Variants in SLC24A2 observed in about 807,000 individuals in gnomAD.
SLC24A2 encodes solute carrier family 24 member 2.
In SLC24A2, 36 loss-of-function variants were observed where a neutral mutation model predicts 62.0. That is an observed-to-expected ratio of 0.58 (90% confidence interval 0.44 to 0.77). The LOEUF is 0.77. SLC24A2 is among the 30% of genes least tolerant of loss of function. SLC24A2 has a pLI of 0.00. For missense variants in SLC24A2, 846 were observed against 817.9 expected, an observed-to-expected ratio of 1.03 and a Z score of -0.42; for synonymous variants, 358 against 294.0, an observed-to-expected ratio of 1.22 and a Z score of -2.23.
chr9:19,688,031 T>C (rs1227958449), intron 2 of SLC24A2, among the ~76,000 whole-genome samples: 1 of 152,144 alleles, frequency 6.6e-6, no homozygotes, highest in Non-Finnish European at 1.5e-5. Flanking sequence ...TATTTTTGTA[T>C]GCTTTCGAAA....
At chr9:19,553,958 C>T (rs1197754669) in intron 7 of SLC24A2, among the ~76,000 whole-genome samples, 4 of 152,072 alleles carry the variant, frequency 2.6e-5, no homozygotes, top group African/African-American at 9.7e-5. Flanking sequence ...CTTCCTTCTC[C>T]CCCACCCAAA....
At chr9:20,212,600 C>G in the SLC24A2 span, among the ~76,000 whole-genome samples, 4 of 151,656 alleles carry the variant, frequency 2.6e-5, no homozygotes, top group African/African-American at 9.8e-5. Context: ...GTAAATAAAC[C>G]AGAACCCTCT....
At chr9:20,109,982 C>T in the SLC24A2 span, among the ~76,000 whole-genome samples, 2 of 152,136 alleles carry the variant, frequency 1.3e-5, no homozygotes, top group Non-Finnish European at 2.9e-5. Flanking sequence ...TCTTTTTACA[C>T]AAAGAAACTG....
At chr9:19,609,786 G>A (rs1837095079) in intron 4 of SLC24A2, among the ~76,000 whole-genome samples, 1 of 152,172 alleles carries the variant, frequency 6.6e-6, no homozygotes, top group African/African-American at 2.4e-5. Context: ...GGGTGGGTGT[G>A]GGGTGAGTGG....
chr9:20,148,834 C>T, the SLC24A2 span, among the ~76,000 whole-genome samples: 2 of 152,082 alleles, frequency 1.3e-5, no homozygotes, highest in Non-Finnish European at 2.9e-5. Context: ...GAAAACCCCA[C>T]ATGGCACAGC....
chr9:19,867,276 C>A, the SLC24A2 span, among the ~76,000 whole-genome samples: 1 of 152,012 alleles, frequency 6.6e-6, no homozygotes, highest in Non-Finnish European at 1.5e-5. Flanking sequence ...CTTTAAGTAG[C>A]TTATAGAATT....
chr9:20,031,093 T>C, the SLC24A2 span, among the ~76,000 whole-genome samples: 16 of 152,054 alleles, frequency 1.1e-4, 1 homozygote, highest in East Asian at 2.5e-3. Context: ...GATATGGATA[T>C]AGATATATAT....
chr9:19,586,307 C>G lies in SLC24A2; in HGVS notation c.1130-9285G>C, dbSNP rs141393230. 3.7e-4 allele frequency among the ~76,000 whole-genome samples: 57 copies of G among 152,300 alleles called. 1 individual carries two copies. The highest frequency in any genetic ancestry group is 1.2e-3 in the African/African-American group (51 of 41,566). ...TCTCCATCTGTGCCCTCAATGCTCA[C>G]TGCCTAGGCTGGTCCTCACAAGTGT... On this transcript the variant is annotated intron_variant, in intron 5 of 10. Coordinates refer to ENST00000341998, the MANE Select transcript of SLC24A2 (RefSeq NM_020344.4).
chr9:20,010,297 C>T, the SLC24A2 span, among the ~76,000 whole-genome samples: 7 of 152,250 alleles, frequency 4.6e-5, no homozygotes, highest in African/African-American at 1.4e-4. Flanking sequence ...AGGTGGCCTT[C>T]TCCTCAAATA....
the SLC24A2 span, among the ~76,000 whole-genome samples, chr9:19,803,145 T>C: frequency 6.6e-6 from 1 of 152,222 alleles, no homozygotes; most frequent in African/African-American, 2.4e-5. Flanking sequence ...TATAGCAGCT[T>C]GAATGGACTG....
the SLC24A2 span, among the ~76,000 whole-genome samples, chr9:20,039,717 T>C: frequency 6.6e-6 from 1 of 152,002 alleles, no homozygotes; most frequent in African/African-American, 2.4e-5. Flanking sequence ...GGGGATTCAG[T>C]TGTAAGAATT....
intron 2 of SLC24A2, among the ~76,000 whole-genome samples, chr9:19,737,728 G>T (rs116756670): frequency 5.3e-5 from 8 of 151,858 alleles, no homozygotes; most frequent in Admixed American, 1.3e-4. Flanking sequence ...TTAAAGGCAA[G>T]ATGCAAATAA....
the SLC24A2 span, among the ~76,000 whole-genome samples, chr9:19,999,799 G>A: frequency 6.6e-6 from 1 of 152,264 alleles, no homozygotes; most frequent in South Asian, 2.1e-4. Flanking sequence ...TTCATCAGGG[G>A]GACCCAGGAG....
At chr9:20,093,596 A>G in the SLC24A2 span, among the ~76,000 whole-genome samples, 1 of 152,096 alleles carries the variant, frequency 6.6e-6, no homozygotes, top group African/African-American at 2.4e-5. Context: ...ATATTGTCAC[A>G]TTTATTATTA....
chr9:19,604,052 C>A (rs1159026702), intron 4 of SLC24A2, among the ~76,000 whole-genome samples: 1 of 152,216 alleles, frequency 6.6e-6, no homozygotes, highest in South Asian at 2.1e-4. Flanking sequence ...TTGTTAATTT[C>A]AGCACCCAGC....
intron 2 of SLC24A2, among the ~76,000 whole-genome samples, chr9:19,760,127 G>C (rs987323503): frequency 2.0e-5 from 3 of 152,042 alleles, no homozygotes; most frequent in Non-Finnish European, 4.4e-5. Flanking sequence ...CAAAAAGACA[G>C]CTTCTCCAAG....
At chr9:19,901,245 G>C in the SLC24A2 span, among the ~76,000 whole-genome samples, 1 of 152,212 alleles carries the variant, frequency 6.6e-6, no homozygotes, top group African/African-American at 2.4e-5. Flanking sequence ...AAGATATAAT[G>C]ATGGCACAAA....
At chr9:20,195,055 G>A in the SLC24A2 span, among the ~76,000 whole-genome samples, 1 of 151,894 alleles carries the variant, frequency 6.6e-6, no homozygotes, top group Non-Finnish European at 1.5e-5. Context: ...TGTTCTTTTT[G>A]TCTCAGTTTT....
chr9:19,541,939 G>C (rs1441530165), intron 8 of SLC24A2, among the ~76,000 whole-genome samples: 3 of 152,336 alleles, frequency 2.0e-5, no homozygotes, highest in Middle Eastern at 6.8e-3. Flanking sequence ...TCTGAAAAGC[G>C]CAATATTCGG....
Sources: gnomAD v4.1 joint callset for allele counts (sites outside exome capture counted in the v4.1 genomes callset) on GRCh38, gnomAD v4.1.1 for gene constraint, MANE v1.5 for transcripts, NCBI Gene and HGNC (gene_info 2026-07-23, HGNC 2026-07-21) for gene names.